Variants in SH3YL1 observed in about 807,000 individuals in gnomAD.
SH3YL1 encodes SH3 domain-containing YSC84-like protein 1.
A neutral mutation model predicts 45.8 loss-of-function variants in SH3YL1; 41 were observed. The ratio of observed to expected loss-of-function variants is 0.89; its 90% confidence interval spans 0.70 to 1.16. The LOEUF is 1.16. SH3YL1 is among the 50% of genes most tolerant of loss of function. The pLI is 0.00. For missense variants in SH3YL1, 389 were observed against 409.6 expected (o/e 0.95, Z 0.43); for synonymous variants, 152 against 151.4 (o/e 1.00, Z -0.03).
Position 230,233 on chromosome 2 carries a change from T to A in SH3YL1, c.703-189A>T, listed in dbSNP as rs115628414. The A allele has an allele frequency of 3.1e-3, 1,379 of 442,336 alleles. 16 individuals carry two copies. Among genetic ancestry groups the A allele is most frequent in the African/African-American group, 0.024 (1,217 of 50,168 alleles). The allele number at this position is 442,336 out of a possible 1,614,324, so 27.4% of individuals were successfully genotyped here. A position where few individuals can be genotyped will look rare whatever the true frequency, so the allele number is the denominator to read the frequency against. On this transcript the variant is annotated intron_variant, in intron 7 of 9. Coordinates refer to ENST00000356150, the MANE Select transcript of SH3YL1 (RefSeq NM_015677.4). ...TGAACTGGATGACAAGACTCAGATG[T>A]GGACAGGGTGTGCTCTTCTCATGCC...
At chr2:232,905 T>A (rs1478047618) in intron 6 of SH3YL1, 196 bp downstream of exon 6, 9 of 381,142 alleles carry the variant, frequency 2.4e-5, no homozygotes, top group African/African-American at 6.3e-5. Flanking sequence ...GAGTTTTTTT[T>A]ATTTCTTTTT....
rs1669728479 is a variant in SH3YL1, at chr2:264,025, A to G, written c.-41T>C. 2 of 1,393,956 alleles carry G rather than the reference A, an allele frequency of 1.4e-6. No homozygotes were observed. The highest frequency in any genetic ancestry group is 9.4e-7 in the Non-Finnish European group (1 of 1,066,702). The allele number at this position is 1,393,956 out of a possible 1,614,324, so 86.3% of individuals were successfully genotyped here. ...GCGGCGCCCCGTCCCGAGGCTGCCCAGGAAGAGGAAGGCGCGCTGCCCCGC... is the reference window on the plus strand; with the variant it reads ...GCGGCGCCCCGTCCCGAGGCTGCCCGGGAAGAGGAAGGCGCGCTGCCCCGC... On this transcript the variant is annotated 5_prime_UTR_variant, in exon 1 of 10. Coordinates refer to ENST00000356150, the MANE Select transcript of SH3YL1 (RefSeq NM_015677.4).
chr2:242,843 T>TG lies in SH3YL1; in HGVS notation c.291+4694dup, dbSNP rs1396601836. 6 of 1,521,634 alleles carry TG rather than the reference T, an allele frequency of 3.9e-6. No homozygotes were observed. The Admixed American group carries it at 1.4e-4, about 34-fold the overall frequency. 94.3% of individuals were successfully genotyped at this position (1,521,634 alleles called of 1,614,324 possible). A position where few individuals can be genotyped will look rare whatever the true frequency, so the allele number is the denominator to read the frequency against. On this transcript the variant is annotated intron_variant, in intron 4 of 9. Coordinates refer to ENST00000356150, the MANE Select transcript of SH3YL1 (RefSeq NM_015677.4). ...GATGGAGAAAGATGTGTCATGCAGA[T>TG]GGCAACCTAAGAAAGCTGGAGTGGC...
At chr2:231,747 C>T (rs1356595891) in intron 6 of SH3YL1, among the ~76,000 whole-genome samples, 3 of 152,144 alleles carry the variant, frequency 2.0e-5, no homozygotes, top group African/African-American at 7.2e-5. Context: ...CCAACGGGCT[C>T]GAACCAGAAG....
In SH3YL1 at chr2:229,949, G is replaced by A. The variant is rs755998660; in HGVS notation, c.781+17C>T. The A allele has an allele frequency of 3.1e-6, 5 of 1,597,598 alleles. No homozygotes were observed. In the South Asian group the frequency reaches 5.5e-5, roughly 18 times the overall value. On this transcript the variant is annotated intron_variant, in intron 8 of 9. Coordinates refer to ENST00000356150, the MANE Select transcript of SH3YL1 (RefSeq NM_015677.4). ...ACTTAATTACAACTGTATTTGAATT[G>A]CAACAAAAATATTTACTTTGAGAGC...
rs371041609 is a variant in SH3YL1, at chr2:230,044, C to T, written c.703G>A (p.Ala235Thr). The T allele has an allele frequency of 3.8e-6, 6 of 1,594,150 alleles. No homozygotes were observed. Among genetic ancestry groups the T allele is most frequent in the African/African-American group, 1.3e-5 (1 of 74,202 alleles). ...AATGGCTTTGGAGGTAATTCTTTAG[C>T]CTGGGAGAAACAAAAAGATAAATAC... ...KAAREQRKSS[A>T]KELPPKPLSR... Residue 235 changes from alanine to threonine, a missense_variant and splice_region_variant, in exon 8 of 10, where the codon GCT becomes ACT. Transcript: ENST00000356150.
chr2:238,259 TTGTGTGTGTGTG>T (rs3842546), intron 4 of SH3YL1, among the ~76,000 whole-genome samples: 35,628 of 141,848 alleles, frequency 0.25, 4,665 homozygotes, highest in East Asian at 0.53. Flanking sequence ...TCCTCCCTCC[TTGTGTGTGTGTG>T]TGTGTGTGTG....
At position 233,213 on chromosome 2, in the gene SH3YL1, C is replaced by G; in HGVS notation, c.421G>C (p.Val141Leu). Reference protein sequence around the residue: ...GPLGRNLEGNVALRSSAAVFT... With the variant: ...GPLGRNLEGNLALRSSAAVFT... Reference sequence around the variant, plus strand: ...ACGGCAGCGGAGCTTCTCAGGGCCACGTTTCCTTCCAAGTTCCTGCAAAGC... The same window carrying G: ...ACGGCAGCGGAGCTTCTCAGGGCCAGGTTTCCTTCCAAGTTCCTGCAAAGC... The change falls in exon 6 of 10, where the codon GTG becomes CTG. Residue 141 changes from valine to leucine, a missense_variant. Coordinates refer to ENST00000356150, the MANE Select transcript of SH3YL1 (RefSeq NM_015677.4). 6.4e-7 allele frequency: 1 copy of G among 1,573,796 alleles called. No individual in the cohort carries two copies. The highest frequency in any genetic ancestry group is 1.4e-5 in the African/African-American group (1 of 73,768).
At chr2:254,657 ACT>A (rs762987210) in intron 1 of SH3YL1, among the ~76,000 whole-genome samples, 5 of 152,306 alleles carry the variant, frequency 3.3e-5, no homozygotes, top group Admixed American at 6.5e-5. Context: ...CAAGCTGGGA[ACT>A]CTGTGAGGCA....
intron 1 of SH3YL1, 74 bp downstream of exon 1, chr2:263,910 C>A: frequency 7.7e-7 from 1 of 1,297,888 alleles, no homozygotes; most frequent in African/African-American, 1.5e-5. Flanking sequence ...GTTTTCCCGT[C>A]CTCCTCCTCC....
At chr2:251,015 T>C (rs968929330) in intron 2 of SH3YL1, among the ~76,000 whole-genome samples, 1 of 152,208 alleles carries the variant, frequency 6.6e-6, no homozygotes, top group Non-Finnish European at 1.5e-5. Flanking sequence ...TTCCTCACAT[T>C]CTGTTCTCGA....
At chr2:246,779 C>T (rs928095394) in intron 4 of SH3YL1, among the ~76,000 whole-genome samples, 1 of 152,054 alleles carries the variant, frequency 6.6e-6, no homozygotes, top group African/African-American at 2.4e-5. Context: ...CAAATTTATA[C>T]AGCAGTGAGT....
intron 2 of SH3YL1, among the ~76,000 whole-genome samples, chr2:251,207 T>C (rs933717211): frequency 6.6e-6 from 1 of 152,244 alleles, no homozygotes; most frequent in African/African-American, 2.4e-5. Context: ...TAACATAGAA[T>C]GTACCAATTA....
intron 6 of SH3YL1, among the ~76,000 whole-genome samples, chr2:232,371 C>G (rs1668086496): frequency 6.6e-6 from 1 of 151,940 alleles, no homozygotes; most frequent in Non-Finnish European, 1.5e-5. Context: ...AACTGGTGTG[C>G]CTTCCACAAA....
intron 3 of SH3YL1, 134 bp downstream of exon 3, chr2:249,597 C>T (rs1236246444): frequency 1.7e-5 from 11 of 634,756 alleles, no homozygotes; most frequent in Non-Finnish European, 2.2e-5. Context: ...CACGTTCAGT[C>T]GAGTAGCCCT....
intron 4 of SH3YL1, chr2:242,820 T>C: frequency 1.3e-6 from 2 of 1,533,648 alleles, no homozygotes; most frequent in Non-Finnish European, 1.8e-6. Context: ...AGTAAAAGGA[T>C]GGAGAAAGAT....
At chr2:241,596 T>C (rs565646359) in intron 4 of SH3YL1, 1 of 152,120 alleles carries the variant, frequency 6.6e-6, no homozygotes, top group East Asian at 1.9e-4. Flanking sequence ...ACACTCTGGA[T>C]AGATAATTGT....
intron 8 of SH3YL1, among the ~76,000 whole-genome samples, chr2:228,140 G>C (rs746537274): frequency 3.3e-4 from 50 of 152,196 alleles, no homozygotes; most frequent in Non-Finnish European, 6.8e-4. Flanking sequence ...GGTGGAGGGA[G>C]GAGGAGTGTT....
At chr2:230,813 G>C (rs1019425528) in intron 7 of SH3YL1, 22 of 558,296 alleles carry the variant, frequency 3.9e-5, no homozygotes, top group Non-Finnish European at 6.7e-5. Context: ...CATCCTTGGA[G>C]AAATGCAATC....
Sources: allele counts gnomAD v4.1 joint callset (sites outside exome capture counted in the v4.1 genomes callset), GRCh38; gene constraint gnomAD v4.1.1; transcripts MANE v1.5; gene names NCBI Gene and HGNC (gene_info 2026-07-23, HGNC 2026-07-21).